SLAMF8: variants seen among roughly 807,000 people sequenced by gnomAD.
The protein encoded by SLAMF8 is B lymphocyte activator macrophage expressed.
A neutral mutation model predicts 29.0 loss-of-function variants in SLAMF8; 23 were observed. The observed-to-expected ratio is 0.79, with a 90% CI of 0.57 to 1.13. The LOEUF (loss-of-function observed/expected upper bound fraction) is 1.13, where lower values mean the gene tolerates loss of function less well. SLAMF8 is among the 50% of genes most tolerant of loss of function. SLAMF8 has a pLI of 0.00. For missense variants in SLAMF8, 381 were observed against 353.1 expected (o/e 1.08, Z -0.63); for synonymous variants, 139 against 145.6 (o/e 0.96, Z 0.32).
At position 159,830,120 on chromosome 1, in the gene SLAMF8, G is replaced by A. The variant is rs34687326; in HGVS notation, c.295G>A (p.Gly99Ser). 0.1 allele frequency: 164,624 copies of A among 1,614,052 alleles called. 9,652 individuals are homozygous for A. The highest frequency in any genetic ancestry group is 0.12 in the Non-Finnish European group (142,667 of 1,179,958). ...ELGPLESGDS[G>S]NFSVLMVDTR... ...CGGGCCGCTGGAGTCTGGAGACAGC[G>A]GCAACTTCTCCGTGTTGATGGTGGA... Residue 99 changes from glycine (G) to serine (S), a missense_variant, in exon 2 of 5, where the codon GGC (glycine) becomes AGC (serine). Coordinates refer to ENST00000289707, the MANE Select transcript of SLAMF8 (RefSeq NM_020125.3).
rs915410102 is a variant in SLAMF8 at position 159,829,876 on chromosome 1, C to T, written c.51C>T (p.Pro17=). 6.2e-7 allele frequency: 1 copy of T among 1,609,568 alleles called. No individual in the cohort carries two copies. The highest frequency in any genetic ancestry group is 8.5e-7 in the Non-Finnish European group (1 of 1,177,584). The part of the protein sequence containing the change: ...WSLLLWEALL[P]ITVTGAQVLS... ...GCTCTGTTCTTTCAGCCCTACTTCCCATTACAGTTACTGGTGCCCAAGTGC... is the reference window on the plus strand; with the variant it reads ...GCTCTGTTCTTTCAGCCCTACTTCCTATTACAGTTACTGGTGCCCAAGTGC... Residue 17 remains proline (P), a synonymous_variant, in exon 2 of 5, where the codon CCC becomes CCT. Transcript: ENST00000289707.
At chr1:159,827,676 A>G (rs1169103586) in intron 1 of SLAMF8, among the ~76,000 whole-genome samples, 1 of 152,146 alleles carries the variant, frequency 6.6e-6, no homozygotes, top group East Asian at 1.9e-4. Flanking sequence ...AGAGGCTCAT[A>G]GGGACTTTGG....
rs908342023 is a variant in SLAMF8 at position 159,836,727 on chromosome 1, A to G, written c.*1467A>G. ...ATCAGCACAGCTGGCCTCCAGATCC[A>G]CATCACCACTCTTCCACTCGATTGT... On this transcript the variant is annotated 3_prime_UTR_variant, in exon 5 of 5. Coordinates refer to ENST00000289707, the MANE Select transcript of SLAMF8 (RefSeq NM_020125.3). 34 of 985,482 alleles carry G rather than the reference A, an allele frequency of 3.5e-5. No homozygotes were observed. The Admixed American group carries it at 7.4e-4, about 21-fold the overall frequency. 61.0% of individuals were successfully genotyped at this position (985,482 alleles called of 1,614,324 possible). A position where few individuals can be genotyped will look rare whatever the true frequency, so the allele number is the denominator to read the frequency against.
chr1:159,831,780 C>G (rs1474663792), intron 2 of SLAMF8, among the ~76,000 whole-genome samples: 1 of 152,152 alleles, frequency 6.6e-6, no homozygotes, highest in Non-Finnish European at 1.5e-5. Context: ...TAGATAAGAA[C>G]GATTTGAATT....
At chr1:159,830,929 T>G (rs563084710) in intron 2 of SLAMF8, among the ~76,000 whole-genome samples, 108 of 152,310 alleles carry the variant, frequency 7.1e-4, no homozygotes, top group Middle Eastern at 3.4e-3. Context: ...CAGGCCCAGC[T>G]GGGTGCGACT....
Position 159,835,590 on chromosome 1 carries a change from C to T in SLAMF8, c.*330C>T. The T allele has an allele frequency of 1.5e-5, 16 of 1,071,426 alleles. No homozygotes were observed. Among genetic ancestry groups the T allele is most frequent in the Non-Finnish European group, 1.8e-5 (16 of 884,874 alleles). 66.4% of individuals were successfully genotyped at this position (1,071,426 alleles called of 1,614,324 possible). A position where few individuals can be genotyped will look rare whatever the true frequency, so the allele number is the denominator to read the frequency against. On this transcript the variant is annotated 3_prime_UTR_variant, in exon 5 of 5. Coordinates refer to ENST00000289707, the MANE Select transcript of SLAMF8 (RefSeq NM_020125.3). ...ACATTAATAGTCCAAGGCATTCCCT[C>T]CCCCACCACTATTCATAAAGTATTA... is the stretch of plus-strand genomic sequence containing the variant.
rs1024122954 is a variant in SLAMF8, at chr1:159,829,912, C to T, written c.87C>T (p.Val29=). 29 of 1,613,862 alleles carry T rather than the reference C, an allele frequency of 1.8e-5. No individual in the cohort carries two copies. Among genetic ancestry groups the T allele is most frequent in the Admixed American group, 3.3e-5 (2 of 59,982 alleles). Residue 29 remains valine (V), a synonymous_variant, in exon 2 of 5, where the codon GTC becomes GTT. Coordinates refer to ENST00000289707, the MANE Select transcript of SLAMF8 (RefSeq NM_020125.3). ...TVTGAQVLSK[V]GGSVLLVAAR... ...CTGGTGCCCAAGTGCTGAGCAAAGT[C>T]GGGGGCTCGGTGCTGCTGGTGGCAG... is the stretch of plus-strand genomic sequence containing the variant.
chr1:159,834,696 G>C (rs1647780116), intron 4 of SLAMF8: 1 of 152,526 alleles, frequency 6.6e-6, no homozygotes, highest in African/African-American at 2.4e-5. Flanking sequence ...TCTGCTTTCT[G>C]CCTCTATGCT....
At position 159,829,866 on chromosome 1, in the gene SLAMF8, C is replaced by A. The variant is rs529819231; in HGVS notation, c.41C>A (p.Ala14Asp). ...GTGACCAGGGGCTCTGTTCTTTCAGCCCTACTTCCCATTACAGTTACTGGT... is the reference window on the plus strand; with the variant it reads ...GTGACCAGGGGCTCTGTTCTTTCAGACCTACTTCCCATTACAGTTACTGGT... ...RPLWSLLLWE[A>D]LLPITVTGAQ... Residue 14 changes from alanine to aspartate, a missense_variant and splice_region_variant, in exon 2 of 5, where the codon GCC becomes GAC. Coordinates refer to ENST00000289707, the MANE Select transcript of SLAMF8 (RefSeq NM_020125.3). 1.2e-6 allele frequency: 2 copies of A among 1,600,864 alleles called. No individual in the cohort carries two copies. The highest frequency in any genetic ancestry group is 2.2e-5 in the South Asian group (2 of 89,232).
In SLAMF8 at chr1:159,833,229, AG is replaced by A. The variant is rs1647630102; in HGVS notation, c.674-32del. The A allele has an allele frequency of 1.9e-6, 3 of 1,614,174 alleles. No homozygotes were observed. The East Asian group carries it at 6.7e-5, about 36-fold the overall frequency. Reference sequence around the variant, plus strand: ...GTGGTTGAGGGCTTATGAAGCATCAAGTCCACCTCTAACCCCACCCCTCCAT... The same window carrying A: ...GTGGTTGAGGGCTTATGAAGCATCAATCCACCTCTAACCCCACCCCTCCAT... On this transcript the variant is annotated intron_variant, in intron 3 of 4. Coordinates refer to ENST00000289707, the MANE Select transcript of SLAMF8 (RefSeq NM_020125.3).
At chr1:159,828,548 G>A (rs2101781162) in intron 1 of SLAMF8, among the ~76,000 whole-genome samples, 2 of 152,276 alleles carry the variant, frequency 1.3e-5, no homozygotes, top group East Asian at 1.9e-4. Context: ...CAGCAGGGTA[G>A]GTCATTTATT....
At chr1:159,833,896 A>G (rs1647689749) in intron 4 of SLAMF8, among the ~76,000 whole-genome samples, 1 of 152,186 alleles carries the variant, frequency 6.6e-6, no homozygotes. Flanking sequence ...TTCCTGAAAC[A>G]TAGCTGGTAT....
chr1:159,835,940 C>T lies in SLAMF8; in HGVS notation c.*680C>T. 1 of 985,414 alleles carries T rather than the reference C, an allele frequency of 1.0e-6. No homozygotes were observed. The highest frequency in any genetic ancestry group is 1.2e-6 in the Non-Finnish European group (1 of 829,948). The allele number at this position is 985,414 out of a possible 1,614,324, so 61.0% of individuals were successfully genotyped here. On this transcript the variant is annotated 3_prime_UTR_variant, in exon 5 of 5. Coordinates refer to ENST00000289707, the MANE Select transcript of SLAMF8 (RefSeq NM_020125.3). Reference sequence around the variant, plus strand: ...TGACAACCCATGGTTGAGATGGGCACCGTTTTGCAGGAAACACCATATTAA... The same window carrying T: ...TGACAACCCATGGTTGAGATGGGCATCGTTTTGCAGGAAACACCATATTAA...
rs1647865625 is a variant in SLAMF8, at chr1:159,835,552, C to A, written c.*292C>A. On this transcript the variant is annotated 3_prime_UTR_variant, in exon 5 of 5. Coordinates refer to ENST00000289707, the MANE Select transcript of SLAMF8 (RefSeq NM_020125.3). ...AGGACACTGGAAGTTCTCCAGGATC[C>A]AGATCCATGGGGACATTAATAGTCC... 1.7e-6 allele frequency: 2 copies of A among 1,175,068 alleles called. No individual in the cohort carries two copies. Among genetic ancestry groups the A allele is most frequent in the Non-Finnish European group, 2.1e-6 (2 of 949,502 alleles). The allele number at this position is 1,175,068 out of a possible 1,614,324, so 72.8% of individuals were successfully genotyped here.
At chr1:159,833,398 G>A in intron 4 of SLAMF8, 29 bp downstream of exon 4, 2 of 1,613,530 alleles carry the variant, frequency 1.2e-6, no homozygotes, top group Non-Finnish European at 1.7e-6. Flanking sequence ...CAGGAGGTAG[G>A]TGGAGGAAGT....
rs1352076133 is a variant in SLAMF8, at chr1:159,835,482, C to T, written c.*222C>T. ...CTTCCCTCTCCCATCTTCTCATATC[C>T]TGGCTCTTCTCTGGGCAAGATGAGC... On this transcript the variant is annotated 3_prime_UTR_variant, in exon 5 of 5. Transcript: ENST00000289707. 1 of 1,327,610 alleles carries T rather than the reference C, an allele frequency of 7.5e-7. No homozygotes were observed. 82.2% of individuals were successfully genotyped at this position (1,327,610 alleles called of 1,614,324 possible). A position where few individuals can be genotyped will look rare whatever the true frequency, so the allele number is the denominator to read the frequency against.
At chr1:159,833,853 C>G (rs967285559) in intron 4 of SLAMF8, among the ~76,000 whole-genome samples, 1 of 152,200 alleles carries the variant, frequency 6.6e-6, no homozygotes, top group Admixed American at 6.5e-5. Flanking sequence ...TGGGTCAACA[C>G]TGGGCATGTC....
intron 1 of SLAMF8, among the ~76,000 whole-genome samples, chr1:159,827,524 A>G (rs1194360411): frequency 6.6e-6 from 1 of 152,150 alleles, no homozygotes; most frequent in African/African-American, 2.4e-5. Context: ...TCTCCTCCAC[A>G]CCGGGCGATC....
rs1197621119 is a variant in SLAMF8 at position 159,835,254 on chromosome 1, G to T, written c.852G>T (p.Leu284=). The change falls in exon 5 of 5, where the codon CTG becomes CTT. Residue 284 remains leucine (L), a synonymous_variant. Transcript: ENST00000289707. ...PETENPLVQD[L]P Reference sequence around the variant, plus strand: ...CAGAGAACCCCCTTGTGCAGGATCTGCCATAAAGGACAATATGAACTGATG... The same window carrying T: ...CAGAGAACCCCCTTGTGCAGGATCTTCCATAAAGGACAATATGAACTGATG... 1.2e-6 allele frequency: 2 copies of T among 1,613,758 alleles called. No individual in the cohort carries two copies. Among genetic ancestry groups the T allele is most frequent in the Non-Finnish European group, 1.7e-6 (2 of 1,179,900 alleles).
Sources: allele counts gnomAD v4.1 joint callset (sites outside exome capture counted in the v4.1 genomes callset), GRCh38; gene constraint gnomAD v4.1.1; transcripts MANE v1.5; gene names NCBI Gene and HGNC (gene_info 2026-07-23, HGNC 2026-07-21).